The following HSD17B4 variants were observed in gnomAD, a reference collection of about 807,000 sequenced individuals.
HSD17B4 encodes peroxisomal multifunctional enzyme type 2.
In HSD17B4, 70 loss-of-function variants were observed where a neutral mutation model predicts 101.0. That is an observed-to-expected ratio of 0.69 (90% confidence interval 0.57 to 0.85). The LOEUF is 0.85. HSD17B4 is among the 40% of genes least tolerant of loss of function. HSD17B4 has a pLI of 0.00. For synonymous variants in HSD17B4, 347 were observed against 297.1 expected, an observed-to-expected ratio of 1.17 and a Z score of -1.73; for missense variants, 984 against 892.4, an observed-to-expected ratio of 1.10 and a Z score of -1.31.
At chr5:119,489,138 A>G (rs1337183217) in intron 8 of HSD17B4, 54 bp from the exon 9 acceptor site, 5 of 1,221,010 alleles carry the variant, frequency 4.1e-6, no homozygotes, top group Admixed American at 1.7e-5. Context: ...TATAAGTAAG[A>G]AATTCTTAGA....
intron 1 of HSD17B4, chr5:119,452,913 G>C (rs1346943177): frequency 7.0e-7 from 1 of 1,418,644 alleles, no homozygotes; most frequent in African/African-American, 1.4e-5. Flanking sequence ...TTGCAAAACT[G>C]GGTGAAAGTT....
chr5:119,510,500 A>G (rs1445347550), intron 16 of HSD17B4, among the ~76,000 whole-genome samples: 2 of 152,220 alleles, frequency 1.3e-5, no homozygotes, highest in Admixed American at 6.5e-5. Context: ...TAGTAAATAA[A>G]GTATTATTTA....
chr5:119,511,022 C>T (rs918795281), intron 16 of HSD17B4, among the ~76,000 whole-genome samples: 1 of 152,164 alleles, frequency 6.6e-6, no homozygotes, highest in Non-Finnish European at 1.5e-5. Flanking sequence ...CTTGCCCTAG[C>T]TTTCCCGTAG....
intron 18 of HSD17B4, 101 bp from the exon 19 acceptor site, chr5:119,525,816 T>C: frequency 1.3e-6 from 1 of 762,894 alleles, no homozygotes; most frequent in Non-Finnish European, 2.4e-6. Flanking sequence ...TAATTCCTGC[T>C]AATGCAGTCT....
chr5:119,534,548 A>T (rs888582439), intron 22 of HSD17B4, among the ~76,000 whole-genome samples: 4 of 152,084 alleles, frequency 2.6e-5, no homozygotes, highest in African/African-American at 9.7e-5. Context: ...CCATGTGATC[A>T]TTAAAACCTC....
At chr5:119,476,549 CCTGA>C in intron 6 of HSD17B4, 2 of 984,698 alleles carry the variant, frequency 2.0e-6, no homozygotes, top group African/African-American at 1.7e-5. Context: ...GGGAATAGTG[CCTGA>C]CTGTCTTTTG....
At chr5:119,485,814 C>G (rs991512870) in intron 8 of HSD17B4, among the ~76,000 whole-genome samples, 1 of 152,142 alleles carries the variant, frequency 6.6e-6, no homozygotes, top group Non-Finnish European at 1.5e-5. Context: ...ACTTTCCAAG[C>G]TGTATTAGTT....
rs772581324 is a variant in HSD17B4 at position 119,473,982 on chromosome 5, A to C, written c.187A>C (p.Arg63=). Reference sequence around the variant, plus strand: ...TGCTGATAAGGTTGTTGAAGAAATAAGAAGGAGAGGTGGAAAAGCAGTGGC... The same window carrying C: ...TGCTGATAAGGTTGTTGAAGAAATACGAAGGAGAGGTGGAAAAGCAGTGGC... ...LAADKVVEEI[R]RRGGKAVANY... Residue 63 remains arginine (R), a synonymous_variant, in exon 3 of 24, where the codon AGA becomes CGA. Transcript: ENST00000510025. The C allele has an allele frequency of 6.2e-7, 1 of 1,610,892 alleles. No individual in the cohort carries two copies. Among genetic ancestry groups the C allele is most frequent in the Non-Finnish European group, 8.5e-7 (1 of 1,177,208 alleles).
intron 22 of HSD17B4, 78 bp downstream of exon 22, chr5:119,531,482 T>A: frequency 7.3e-7 from 1 of 1,377,966 alleles, no homozygotes; most frequent in East Asian, 2.4e-5. Flanking sequence ...ATTAAAGACC[T>A]TTGAAGGTAG....
intron 23 of HSD17B4, among the ~76,000 whole-genome samples, chr5:119,540,546 A>T (rs938890159): frequency 6.6e-6 from 1 of 152,200 alleles, no homozygotes; most frequent in Admixed American, 6.5e-5. Flanking sequence ...TGGCCTAAGT[A>T]CTGACTCCTT....
intron 6 of HSD17B4, 82 bp from the exon 7 acceptor site, chr5:119,477,335 T>C: frequency 1.1e-6 from 1 of 947,576 alleles, no homozygotes; most frequent in Non-Finnish European, 1.7e-6. Flanking sequence ...CATCTTTGTA[T>C]AAATACAACA....
chr5:119,474,848 T>G (rs1748421831), intron 4 of HSD17B4, among the ~76,000 whole-genome samples: 1 of 152,184 alleles, frequency 6.6e-6, no homozygotes, highest in Admixed American at 6.5e-5. Flanking sequence ...TCCAATATCT[T>G]GCAAATTACT....
At chr5:119,469,930 G>A (rs767749161) in intron 2 of HSD17B4, among the ~76,000 whole-genome samples, 4 of 152,128 alleles carry the variant, frequency 2.6e-5, no homozygotes, top group Non-Finnish European at 5.9e-5. Context: ...CTGGGAACAG[G>A]GATTGCCAGA....
chr5:119,472,012 A>G (rs1280232479), intron 2 of HSD17B4, among the ~76,000 whole-genome samples: 1 of 152,208 alleles, frequency 6.6e-6, no homozygotes, highest in Admixed American at 6.5e-5. Context: ...GTTTGTAAAT[A>G]TATAATTGGA....
intron 2 of HSD17B4, among the ~76,000 whole-genome samples, chr5:119,457,696 A>T (rs1025534546): frequency 7.9e-5 from 12 of 152,128 alleles, no homozygotes; most frequent in African/African-American, 2.7e-4. Flanking sequence ...TTAGTTCTTA[A>T]TATTTTTACC....
chr5:119,531,146 A>AGAAAACT, intron 21 of HSD17B4, 120 bp from the exon 22 acceptor site: 1 of 930,174 alleles, frequency 1.1e-6, no homozygotes, highest in Non-Finnish European at 1.7e-6. Context: ...CATTGTATGA[A>AGAAAACT]GAAAACTGAC....
At chr5:119,507,233 C>G (rs186749327) in intron 15 of HSD17B4, among the ~76,000 whole-genome samples, 2 of 152,250 alleles carry the variant, frequency 1.3e-5, no homozygotes, top group East Asian at 3.9e-4. Context: ...CCTCACTTGA[C>G]AATTAGGCTG....
At chr5:119,522,248 C>A (rs1753183509) in intron 17 of HSD17B4, among the ~76,000 whole-genome samples, 1 of 152,124 alleles carries the variant, frequency 6.6e-6, no homozygotes, top group Non-Finnish European at 1.5e-5. Context: ...ATCCATGTCC[C>A]TACAAAAGAC....
chr5:119,478,021 G>A (rs1374663586), intron 7 of HSD17B4: 1 of 170,742 alleles, frequency 5.9e-6, no homozygotes, highest in Non-Finnish European at 1.3e-5. Flanking sequence ...TGGCATTTTA[G>A]AAGATAGTAT....
Sources: allele counts gnomAD v4.1 joint callset (sites outside exome capture counted in the v4.1 genomes callset), GRCh38; gene constraint gnomAD v4.1.1; transcripts MANE v1.5; gene names NCBI Gene and HGNC (gene_info 2026-07-23, HGNC 2026-07-21).